KCNH5: variants seen among roughly 807,000 people sequenced by gnomAD.
KCNH5 encodes the protein voltage-gated delayed rectifier potassium channel KCNH5.
A neutral mutation model predicts 96.1 loss-of-function variants in KCNH5; 46 were observed. The observed-to-expected ratio is 0.48, with a 90% CI of 0.38 to 0.61. The LOEUF (loss-of-function observed/expected upper bound fraction) is 0.61, where lower values mean the gene tolerates loss of function less well. Among genes scored for constraint, KCNH5 ranks in the 20% least tolerant of loss-of-function variants. KCNH5 has a pLI of 0.00. For synonymous variants in KCNH5, 439 were observed against 449.8 expected (o/e 0.98, Z 0.30); for missense variants, 907 against 1,225.8 (o/e 0.74, Z 3.88).
At chr14:63,025,768 T>C (rs187495650) in intron 1 of KCNH5, among the ~76,000 whole-genome samples, 1 of 152,056 alleles carries the variant, frequency 6.6e-6, no homozygotes. Flanking sequence ...AGAATTAATA[T>C]TGTTAAAACG....
intron 10 of KCNH5, among the ~76,000 whole-genome samples, chr14:62,737,444 C>G (rs1431683709): frequency 6.6e-6 from 1 of 152,170 alleles, no homozygotes; most frequent in African/African-American, 2.4e-5. Context: ...ACTTACCTGG[C>G]ATAAGTGGCC....
intron 6 of KCNH5, among the ~76,000 whole-genome samples, chr14:62,971,995 A>G (rs966275175): frequency 5.3e-5 from 8 of 152,182 alleles, no homozygotes; most frequent in Non-Finnish European, 5.9e-5. Flanking sequence ...GAAAGTAATA[A>G]TTGATAAGCT....
chr14:62,744,907 A>G (rs928064717), intron 10 of KCNH5, among the ~76,000 whole-genome samples: 3 of 152,190 alleles, frequency 2.0e-5, no homozygotes, highest in African/African-American at 7.2e-5. Flanking sequence ...TAAATATCAT[A>G]GTTTTCAGAA....
At chr14:63,008,371 A>G (rs1381060214) in intron 2 of KCNH5, among the ~76,000 whole-genome samples, 2 of 152,110 alleles carry the variant, frequency 1.3e-5, no homozygotes, top group Admixed American at 1.3e-4. Flanking sequence ...AATACCAATC[A>G]ATAAAATTTA....
intron 7 of KCNH5, among the ~76,000 whole-genome samples, chr14:62,887,065 T>C (rs1268343909): frequency 6.6e-6 from 1 of 152,186 alleles, no homozygotes; most frequent in Non-Finnish European, 1.5e-5. Flanking sequence ...AAATACATAA[T>C]TAGCCCCTTG....
At chr14:62,799,760 G>A (rs1595627780) in intron 9 of KCNH5, among the ~76,000 whole-genome samples, 2 of 115,350 alleles carry the variant, frequency 1.7e-5, no homozygotes, top group Non-Finnish European at 3.5e-5. Flanking sequence ...AGGGTGTGAA[G>A]GGATTATATA....
At chr14:62,896,175 A>G (rs746461918) in intron 7 of KCNH5, among the ~76,000 whole-genome samples, 12 of 152,208 alleles carry the variant, frequency 7.9e-5, no homozygotes, top group Non-Finnish European at 1.6e-4. Context: ...GAGCAGCAGC[A>G]ATAGTCATCA....
intron 10 of KCNH5, among the ~76,000 whole-genome samples, chr14:62,757,513 C>G (rs1309637161): frequency 6.6e-6 from 1 of 151,628 alleles, no homozygotes; most frequent in Non-Finnish European, 1.5e-5. Flanking sequence ...CAGCACTGTT[C>G]ACAATAGCCA....
chr14:62,999,801 C>T (rs931317024), intron 4 of KCNH5, among the ~76,000 whole-genome samples: 1 of 145,160 alleles, frequency 6.9e-6, no homozygotes, highest in African/African-American at 2.6e-5. Context: ...CAGAATGGCA[C>T]ATGTATACAT....
intron 6 of KCNH5, among the ~76,000 whole-genome samples, chr14:62,958,227 C>A (rs778228330): frequency 6.6e-6 from 1 of 152,110 alleles, no homozygotes; most frequent in African/African-American, 2.4e-5. Flanking sequence ...CATGGATTGA[C>A]GCCAACAAAT....
intron 1 of KCNH5, among the ~76,000 whole-genome samples, chr14:63,031,876 C>G (rs556446113): frequency 6.6e-6 from 1 of 151,884 alleles, no homozygotes; most frequent in Non-Finnish European, 1.5e-5. Context: ...TATATATATA[C>G]AATTTTTAAG....
intron 7 of KCNH5, among the ~76,000 whole-genome samples, chr14:62,851,498 T>A (rs1156796167): frequency 1.5e-4 from 17 of 114,168 alleles, no homozygotes; most frequent in South Asian, 4.0e-4. Context: ...AGGTCTTTCC[T>A]AAAAAAAAAA....
At chr14:63,034,378 C>A (rs996042384) in intron 1 of KCNH5, among the ~76,000 whole-genome samples, 23 of 152,086 alleles carry the variant, frequency 1.5e-4, no homozygotes, top group African/African-American at 4.1e-4. Flanking sequence ...ACAATCATGC[C>A]CACATCCACA....
chr14:62,968,735 G>A (rs917676478), intron 6 of KCNH5, among the ~76,000 whole-genome samples: 1 of 152,168 alleles, frequency 6.6e-6, no homozygotes, highest in Non-Finnish European at 1.5e-5. Context: ...TTTGTAGGCT[G>A]GCAATTAGAT....
At chr14:62,844,495 T>C (rs1255581439) in intron 8 of KCNH5, among the ~76,000 whole-genome samples, 1 of 152,184 alleles carries the variant, frequency 6.6e-6, no homozygotes, top group Non-Finnish European at 1.5e-5. Flanking sequence ...TTTCTATTTT[T>C]TCCCATAATC....
At chr14:62,775,175 A>C (rs1886070511) in intron 10 of KCNH5, among the ~76,000 whole-genome samples, 1 of 152,200 alleles carries the variant, frequency 6.6e-6, no homozygotes, top group Admixed American at 6.5e-5. Flanking sequence ...GTAGTTGTCT[A>C]GCAACCTTTC....
chr14:62,902,861 A>C (rs1204244114), intron 7 of KCNH5, among the ~76,000 whole-genome samples: 1 of 151,916 alleles, frequency 6.6e-6, no homozygotes. Flanking sequence ...CTGGGATTAC[A>C]GGCGGTGCCA....
At chr14:62,844,843 T>C (rs1887658467) in intron 8 of KCNH5, among the ~76,000 whole-genome samples, 1 of 152,182 alleles carries the variant, frequency 6.6e-6, no homozygotes, top group Non-Finnish European at 1.5e-5. Flanking sequence ...CAGTGATTAA[T>C]TTGCTTGTGG....
intron 4 of KCNH5, among the ~76,000 whole-genome samples, chr14:62,997,851 G>T (rs910968398): frequency 7.4e-6 from 1 of 135,230 alleles, no homozygotes; most frequent in Non-Finnish European, 1.5e-5. Context: ...AGTGAACCGA[G>T]ATGGCACCAC....
Sources: allele counts gnomAD v4.1 joint callset (sites outside exome capture counted in the v4.1 genomes callset), GRCh38; gene constraint gnomAD v4.1.1; transcripts MANE v1.5; gene names NCBI Gene and HGNC (gene_info 2026-07-23, HGNC 2026-07-21).